Variants in PTPRT observed in about 807,000 individuals in gnomAD.
The protein encoded by PTPRT is receptor-type tyrosine-protein phosphatase T.
A neutral mutation model predicts 176.8 loss-of-function variants in PTPRT; 56 were observed. The ratio of observed to expected loss-of-function variants is 0.32; its 90% CI spans 0.26 to 0.40. The LOEUF is 0.40. Ranked by LOEUF, PTPRT falls within the 10% of genes least tolerant of loss-of-function variation. The pLI, the probability that PTPRT is intolerant of heterozygous loss-of-function variation, is 1.00. For synonymous variants in PTPRT, 783 were observed against 739.0 expected, an observed-to-expected ratio of 1.06 and a Z score of -0.96; for missense variants, 1,540 against 1,908.2, an observed-to-expected ratio of 0.81 and a Z score of 3.60.
chr20:43,043,171 C>A (rs904478754), intron 1 of PTPRT, among the ~76,000 whole-genome samples: 3 of 152,122 alleles, frequency 2.0e-5, no homozygotes, highest in Admixed American at 1.3e-4. Flanking sequence ...TGGTCCCCTG[C>A]AAGTTGAAGT....
chr20:42,542,303 A>G (rs1287263957), intron 7 of PTPRT, among the ~76,000 whole-genome samples: 1 of 152,190 alleles, frequency 6.6e-6, no homozygotes, highest in African/African-American at 2.4e-5. Context: ...TTTTCCTAAT[A>G]TAGAAAGAAG....
intron 6 of PTPRT, among the ~76,000 whole-genome samples, chr20:42,755,779 A>G (rs996293631): frequency 5.9e-5 from 9 of 152,198 alleles, no homozygotes; most frequent in African/African-American, 2.2e-4. Context: ...GACACGTGGA[A>G]TTATCGAAAT....
intron 2 of PTPRT, among the ~76,000 whole-genome samples, chr20:42,796,855 C>A (rs192380366): frequency 1.3e-5 from 2 of 152,322 alleles, no homozygotes; most frequent in Admixed American, 1.3e-4. Context: ...CAAGATACAT[C>A]TCTTCTCTCT....
chr20:42,314,155 A>G (rs2057678629), intron 12 of PTPRT, among the ~76,000 whole-genome samples: 1 of 152,122 alleles, frequency 6.6e-6, no homozygotes, highest in African/African-American at 2.4e-5. Context: ...CATTTCTATA[A>G]GCTCTTGGAG....
Position 43,098,261 on chromosome 20 carries a change from A to G in PTPRT, c.88+91385T>C, listed in dbSNP as rs529699621. On this transcript the variant is annotated intron_variant, in intron 1 of 30. Coordinates refer to ENST00000373187, the MANE Select transcript of PTPRT (RefSeq NM_007050.6). Reference sequence around the variant, plus strand: ...TAAAGCCATGAAGCAGCAGCACAGCATATTGGCTGAATGCACAGACCTTAG... The same window carrying G: ...TAAAGCCATGAAGCAGCAGCACAGCGTATTGGCTGAATGCACAGACCTTAG... Among the ~76,000 whole-genome samples, 5 of 152,338 alleles carry G rather than the reference A, an allele frequency of 3.3e-5. No homozygotes were observed. In the South Asian group the frequency reaches 8.3e-4, roughly 25 times the overall value.
At chr20:43,142,967 GCAT>G (rs1301504277) in intron 1 of PTPRT, among the ~76,000 whole-genome samples, 1 of 152,196 alleles carries the variant, frequency 6.6e-6, no homozygotes, top group Admixed American at 6.5e-5. Flanking sequence ...CTTGAAGTAA[GCAT>G]CATCATCTCC....
chr20:43,016,346 G>A (rs532790706), intron 1 of PTPRT, among the ~76,000 whole-genome samples: 1 of 152,148 alleles, frequency 6.6e-6, no homozygotes, highest in East Asian at 1.9e-4. Context: ...GTTCCAACCA[G>A]CCTCTCCCCT....
At position 42,534,678 on chromosome 20, in the gene PTPRT, A is replaced by AC. The variant is rs2072444931; in HGVS notation, c.1154-62117_1154-62116insG. On this transcript the variant is annotated intron_variant, in intron 7 of 30. Coordinates refer to ENST00000373187, the MANE Select transcript of PTPRT (RefSeq NM_007050.6). ...ACAAAACTAGAGTGCTACAGACCGC[A>AC]GCCAAACAACACTGGCCATATCTTA... Among the ~76,000 whole-genome samples, 4 of 152,260 alleles carry AC rather than the reference A, an allele frequency of 2.6e-5. No individual in the cohort carries two copies. The South Asian group carries it at 8.3e-4, about 32-fold the overall frequency.
chr20:42,856,548 T>C (rs2078566367), intron 2 of PTPRT, among the ~76,000 whole-genome samples: 3 of 152,030 alleles, frequency 2.0e-5, no homozygotes, highest in Admixed American at 2.0e-4. Flanking sequence ...TGAGAAAACA[T>C]GACAGTTGTT....
At chr20:42,490,815 A>C (rs1756744045) in intron 7 of PTPRT, among the ~76,000 whole-genome samples, 1 of 152,186 alleles carries the variant, frequency 6.6e-6, no homozygotes, top group Non-Finnish European at 1.5e-5. Context: ...TATTTGCTGT[A>C]GAATTTTGGC....
intron 7 of PTPRT, among the ~76,000 whole-genome samples, chr20:42,614,925 T>C (rs1267215068): frequency 3.4e-5 from 5 of 145,188 alleles, no homozygotes; most frequent in Non-Finnish European, 6.0e-5. Context: ...TTGTTTTCTT[T>C]TTTTTTTTTC....
intron 12 of PTPRT, among the ~76,000 whole-genome samples, chr20:42,308,934 A>G (rs2057585923): frequency 6.6e-6 from 1 of 152,194 alleles, no homozygotes; most frequent in African/African-American, 2.4e-5. Context: ...AAGCATCATG[A>G]CCAATTCAAC....
At chr20:42,321,812 G>A (rs1009523378) in intron 11 of PTPRT, among the ~76,000 whole-genome samples, 7 of 152,242 alleles carry the variant, frequency 4.6e-5, no homozygotes, top group African/African-American at 1.4e-4. Context: ...GGTCGAGCGC[G>A]GTGGCTCACG....
At position 43,160,072 on chromosome 20, in the gene PTPRT, G is replaced by A. The variant is rs147710233; in HGVS notation, c.88+29574C>T. 1.2e-4 allele frequency among the ~76,000 whole-genome samples: 18 copies of A among 152,032 alleles called. No individual in the cohort carries two copies. In the South Asian group the frequency reaches 2.9e-3, roughly 25 times the overall value. The stretch of plus-strand genomic sequence containing the variant: ...GCCCCTGCAGGAAACAGGCCTGCCC[G>A]GTGCAACCCACCAGCCCATACAGCA... On this transcript the variant is annotated intron_variant, in intron 1 of 30. Transcript: ENST00000373187.
intron 12 of PTPRT, among the ~76,000 whole-genome samples, chr20:42,285,144 T>C (rs755860881): frequency 3.3e-5 from 5 of 152,020 alleles, no homozygotes; most frequent in Non-Finnish European, 1.5e-5. Context: ...TCCATTCCAA[T>C]AGCACCATAC....
At chr20:42,379,019 C>T (rs1437725950) in intron 9 of PTPRT, among the ~76,000 whole-genome samples, 2 of 152,190 alleles carry the variant, frequency 1.3e-5, no homozygotes, top group East Asian at 1.9e-4. Context: ...GTGCTTCTAC[C>T]GTGCCCCCAC....
chr20:43,046,064 T>C (rs1986825154), intron 1 of PTPRT, among the ~76,000 whole-genome samples: 1 of 152,086 alleles, frequency 6.6e-6, no homozygotes, highest in Non-Finnish European at 1.5e-5. Flanking sequence ...GGTAGAATCA[T>C]GCAGCATCTC....
intron 7 of PTPRT, among the ~76,000 whole-genome samples, chr20:42,644,678 C>T (rs986050557): frequency 3.9e-5 from 6 of 152,096 alleles, no homozygotes; most frequent in Non-Finnish European, 8.8e-5. Flanking sequence ...TTCAGTGTAA[C>T]CCCAGAGCCT....
chr20:42,958,437 G>GGCA (rs1456696932), intron 1 of PTPRT, among the ~76,000 whole-genome samples: 1 of 116,534 alleles, frequency 8.6e-6, no homozygotes, highest in Admixed American at 9.1e-5. Context: ...AGGAAGGGAG[G>GGCA]AAGGGTGAGG....
Sources: allele counts gnomAD v4.1 joint callset (sites outside exome capture counted in the v4.1 genomes callset), GRCh38; gene constraint gnomAD v4.1.1; transcripts MANE v1.5; gene names NCBI Gene and HGNC (gene_info 2026-07-23, HGNC 2026-07-21).